LARS2: variants seen among roughly 807,000 people sequenced by gnomAD.
The protein encoded by LARS2 is leucyl-tRNA synthetase 2, mitochondrial.
Under a neutral mutation model 116.6 loss-of-function variants are expected in LARS2, and 81 were observed. That is an observed-to-expected ratio of 0.69 (90% confidence interval 0.58 to 0.84). The LOEUF (loss-of-function observed/expected upper bound fraction) is 0.84, where lower values mean the gene tolerates loss of function less well. LARS2 is among the 40% of genes least tolerant of loss of function. The pLI, the probability that LARS2 is intolerant of heterozygous loss-of-function variation, is 0.00. For synonymous variants in LARS2, 396 were observed against 407.2 expected (o/e 0.97, Z 0.33); for missense variants, 968 against 1,114.5 (o/e 0.87, Z 1.87).
chr3:45,458,619 G>A (rs1022474611), intron 7 of LARS2, 124 bp from the exon 8 acceptor site: 10 of 870,252 alleles, frequency 1.1e-5, no homozygotes, highest in South Asian at 4.9e-5. Context: ...CCTAGGAGGT[G>A]GAGGTTGCAG....
chr3:45,426,279 C>T (rs1013610257), intron 6 of LARS2, among the ~76,000 whole-genome samples: 27 of 152,142 alleles, frequency 1.8e-4, no homozygotes, highest in African/African-American at 5.8e-4. Flanking sequence ...AACTTAAGGG[C>T]AAGAGAATGC....
intron 20 of LARS2, among the ~76,000 whole-genome samples, chr3:45,535,259 AGAAGAATCGCTT>A (rs1056003494): frequency 2.6e-4 from 39 of 152,212 alleles, no homozygotes; most frequent in African/African-American, 8.2e-4. Context: ...GGGCTGGGGC[AGAAGAATCGCTT>A]GAACCTGGGA....
intron 4 of LARS2, among the ~76,000 whole-genome samples, chr3:45,411,533 T>A (rs946101925): frequency 6.6e-6 from 1 of 152,228 alleles, no homozygotes; most frequent in Admixed American, 6.5e-5. Flanking sequence ...CTATATCCTA[T>A]AACTTCATCT....
chr3:45,518,732 TA>T (rs997726220), intron 18 of LARS2, among the ~76,000 whole-genome samples: 89 of 146,336 alleles, frequency 6.1e-4, no homozygotes, highest in Non-Finnish European at 7.4e-4. Context: ...TAAGCTGATT[TA>T]AAAAAAAAAA....
rs965852722 is a variant in LARS2, at chr3:45,514,135, G to A, written c.1861+900G>A. Among the ~76,000 whole-genome samples the A allele has an allele frequency of 6.6e-5, 10 of 152,234 alleles. No individual in the cohort carries two copies. In the South Asian group the frequency reaches 1.2e-3, roughly 19 times the overall value. ...GCAGGAGAATCACTTGAACCCAGGA[G>A]GTGGAGGTTGCAGTGAGCCAAGATC... On this transcript the variant is annotated intron_variant, in intron 16 of 21. Transcript: ENST00000645846.
At chr3:45,479,719 C>T (rs1348392440) in intron 10 of LARS2, among the ~76,000 whole-genome samples, 1 of 152,156 alleles carries the variant, frequency 6.6e-6, no homozygotes, top group East Asian at 1.9e-4. Context: ...TAAGCTCTCA[C>T]TTGATAGGAA....
At position 45,474,233 on chromosome 3, in the gene LARS2, A is replaced by C. The variant is rs762664910; in HGVS notation, c.751-10A>C. On this transcript the variant is annotated splice_polypyrimidine_tract_variant and intron_variant, in intron 8 of 21. Transcript: ENST00000645846. ...GCCTCTACTTCTTTGTTCTCCTTTCATTTGCACAGGCCATGCAGGACGCGT... is the reference window on the plus strand; with the variant it reads ...GCCTCTACTTCTTTGTTCTCCTTTCCTTTGCACAGGCCATGCAGGACGCGT... The C allele has an allele frequency of 4.5e-6, 7 of 1,567,754 alleles. No homozygotes were observed. Among genetic ancestry groups the C allele is most frequent in the Non-Finnish European group, 6.1e-6 (7 of 1,143,850 alleles).
intron 10 of LARS2, among the ~76,000 whole-genome samples, chr3:45,484,630 A>AAATAT (rs1553634443): frequency 1.3e-3 from 13 of 9,746 alleles, no homozygotes; most frequent in African/African-American, 2.3e-3. Flanking sequence ...AAAAAAAAAA[A>AAATAT]ATATATATAT....
intron 20 of LARS2, among the ~76,000 whole-genome samples, chr3:45,526,942 G>A (rs1299402560): frequency 6.6e-6 from 1 of 152,178 alleles, no homozygotes; most frequent in Non-Finnish European, 1.5e-5. Context: ...GTGAAATCCT[G>A]GAGTTCAATT....
intron 9 of LARS2, among the ~76,000 whole-genome samples, chr3:45,475,227 C>T (rs1416084040): frequency 6.6e-6 from 1 of 152,206 alleles, no homozygotes; most frequent in African/African-American, 2.4e-5. Context: ...CTCTTGCCTG[C>T]TGACAACCAT....
chr3:45,443,354 A>G (rs978763078), intron 6 of LARS2, among the ~76,000 whole-genome samples: 4 of 152,212 alleles, frequency 2.6e-5, no homozygotes, highest in African/African-American at 9.6e-5. Context: ...GCATTAGAAG[A>G]CTCAAAATAG....
intron 6 of LARS2, 61 bp from the exon 7 acceptor site, chr3:45,446,830 C>G: frequency 1.1e-6 from 1 of 928,160 alleles, no homozygotes; most frequent in Non-Finnish European, 1.7e-6. Flanking sequence ...CAAGACTGAG[C>G]ATGCATGGCT....
chr3:45,535,710 G>A (rs767132363), intron 20 of LARS2, among the ~76,000 whole-genome samples: 6 of 151,802 alleles, frequency 4.0e-5, no homozygotes, highest in African/African-American at 1.5e-4. Context: ...TTAACTGATG[G>A]TGGTTACATG....
intron 10 of LARS2, among the ~76,000 whole-genome samples, chr3:45,478,947 A>G (rs192204112): frequency 2.6e-5 from 4 of 152,112 alleles, no homozygotes; most frequent in Admixed American, 2.6e-4. Flanking sequence ...TTAAACCAGG[A>G]TGTTGTATCA....
intron 17 of LARS2, 122 bp from the exon 18 acceptor site, chr3:45,517,781 T>G: frequency 1.4e-6 from 1 of 714,222 alleles, no homozygotes; most frequent in South Asian, 2.0e-5. Flanking sequence ...CTCAGAGGAA[T>G]CCATCAGGGT....
chr3:45,545,016 T>C (rs922784562), intron 21 of LARS2, among the ~76,000 whole-genome samples: 1 of 151,696 alleles, frequency 6.6e-6, no homozygotes, highest in African/African-American at 2.4e-5. Context: ...GCTACCAGGG[T>C]GTGTGAGCAG....
At position 45,488,751 on chromosome 3, in the gene LARS2, C is replaced by T. The variant is rs138121304; in HGVS notation, c.1178C>T (p.Ala393Val). ...ATCTTAGCCCAAACCCTGGGCCTGG[C>T]CTACTCTGAAGTCATTGAAACTTTG... is the stretch of plus-strand genomic sequence containing the variant. ...DTILAQTLGLAYSEVIETLPD... is the reference protein window; with the variant it reads ...DTILAQTLGLVYSEVIETLPD... Residue 393 changes from alanine to valine, a missense_variant, in exon 12 of 22, where the codon GCC (alanine) becomes GTC (valine). Physicochemically the swap from Ala to Val is moderately conservative, Grantham distance 64. Transcript: ENST00000645846. 1 of 1,613,922 alleles carries T rather than the reference C, an allele frequency of 6.2e-7. No homozygotes were observed.
At chr3:45,441,524 C>G (rs1698911665) in intron 6 of LARS2, among the ~76,000 whole-genome samples, 1 of 152,186 alleles carries the variant, frequency 6.6e-6, no homozygotes, top group Admixed American at 6.5e-5. Flanking sequence ...TCAGATGGCT[C>G]CAGGGTCTTT....
At chr3:45,491,281 G>A (rs969673408) in intron 12 of LARS2, among the ~76,000 whole-genome samples, 4 of 152,176 alleles carry the variant, frequency 2.6e-5, no homozygotes, top group African/African-American at 9.7e-5. Flanking sequence ...AGGGTCAAAA[G>A]TTATATTTGT....
Sources: allele counts gnomAD v4.1 joint callset (sites outside exome capture counted in the v4.1 genomes callset), GRCh38; gene constraint gnomAD v4.1.1; transcripts MANE v1.5; gene names NCBI Gene and HGNC (gene_info 2026-07-23, HGNC 2026-07-21).